Variants in ACER3 observed in about 807,000 individuals in gnomAD.
The protein encoded by ACER3 is alkaline ceramidase 3.
In ACER3, 16 loss-of-function variants were observed where a neutral mutation model predicts 48.9. The ratio of observed to expected loss-of-function variants is 0.33; its 90% confidence interval spans 0.22 to 0.50. The LOEUF (loss-of-function observed/expected upper bound fraction) is 0.50. ACER3 is among the 20% of genes least tolerant of loss of function. The pLI, the probability that ACER3 is intolerant of heterozygous loss-of-function variation, is 0.98. For missense variants in ACER3, 227 were observed against 326.0 expected (o/e 0.70, Z 2.34); for synonymous variants, 109 against 107.8 (o/e 1.01, Z -0.07).
At chr11:76,863,778 A>G (rs1945001977) in intron 1 of ACER3, among the ~76,000 whole-genome samples, 1 of 152,190 alleles carries the variant, frequency 6.6e-6, no homozygotes, top group South Asian at 2.1e-4. Context: ...TTTCAAAAAG[A>G]AGGTATTATT....
In ACER3 at chr11:77,021,319, A is replaced by C. The variant is rs1271998317; in HGVS notation, c.*992A>C. The C allele has an allele frequency of 6.6e-6, 1 of 152,212 alleles. No homozygotes were observed. Among genetic ancestry groups the C allele is most frequent in the Non-Finnish European group, 1.5e-5 (1 of 68,036 alleles). 9.4% of individuals were successfully genotyped at this position (152,212 alleles called of 1,614,324 possible). A position where few individuals can be genotyped will look rare whatever the true frequency, so the allele number is the denominator to read the frequency against. On this transcript the variant is annotated 3_prime_UTR_variant, in exon 11 of 11. Coordinates refer to ENST00000532485, the MANE Select transcript of ACER3 (RefSeq NM_018367.7). The stretch of plus-strand genomic sequence containing the variant: ...CTAAAATTATCAGAATCCTATTTAC[A>C]TAAAGCATATTAAAATATCTGCTCC...
At chr11:76,969,124 G>A (rs1490785663) in intron 3 of ACER3, among the ~76,000 whole-genome samples, 1 of 151,844 alleles carries the variant, frequency 6.6e-6, no homozygotes, top group African/African-American at 2.4e-5. Context: ...CCATCAAAAA[G>A]TGGGCAAAGG....
At chr11:76,926,879 A>G (rs1334945506) in intron 2 of ACER3, among the ~76,000 whole-genome samples, 1 of 152,250 alleles carries the variant, frequency 6.6e-6, no homozygotes, top group Non-Finnish European at 1.5e-5. Context: ...AAGCATACAA[A>G]AAAGAATAGA....
Position 77,024,272 on chromosome 11 carries a change from C to CAAAAAAATAAAAAAA in ACER3, c.*3952_*3953insTAAAAAAAAAAAAAA, listed in dbSNP as rs1949517600. The CAAAAAAATAAAAAAA allele has an allele frequency of 1.9e-5, 1 of 53,902 alleles. No individual in the cohort carries two copies. The highest frequency in any genetic ancestry group is 4.7e-5 in the Non-Finnish European group (1 of 21,326). The allele number at this position is 53,902 out of a possible 1,614,324, so 3.3% of individuals were successfully genotyped here. ...TGGGCAACAGAGTGAGACCCTGTCT[C>CAAAAAAATAAAAAAA]AAAAAAAAAAAAAAAAAAAAAAAAA... On this transcript the variant is annotated 3_prime_UTR_variant, in exon 11 of 11. Transcript: ENST00000532485.
At chr11:76,911,206 G>A (rs1316537096) in intron 1 of ACER3, among the ~76,000 whole-genome samples, 3 of 152,092 alleles carry the variant, frequency 2.0e-5, no homozygotes. Flanking sequence ...TATTTTTATG[G>A]TTATTTATTA....
intron 1 of ACER3, among the ~76,000 whole-genome samples, chr11:76,869,885 A>G (rs779491809): frequency 6.6e-6 from 1 of 152,182 alleles, no homozygotes; most frequent in Non-Finnish European, 1.5e-5. Flanking sequence ...TTTTTGAGAA[A>G]GGGTCTCATT....
At chr11:76,997,072 G>T (rs956262299) in intron 6 of ACER3, among the ~76,000 whole-genome samples, 2 of 152,162 alleles carry the variant, frequency 1.3e-5, no homozygotes, top group Non-Finnish European at 2.9e-5. Context: ...GACTTGAAAG[G>T]CCAGATTTGA....
intron 8 of ACER3, among the ~76,000 whole-genome samples, chr11:77,015,776 T>G (rs781808644): frequency 3.3e-5 from 5 of 152,026 alleles, no homozygotes; most frequent in Non-Finnish European, 7.4e-5. Context: ...CTGTGAGAAA[T>G]CTACAGAATG....
In ACER3 at chr11:76,919,624, C is replaced by T. The variant is rs530139114; in HGVS notation, c.104-6933C>T. 9.6e-4 allele frequency among the ~76,000 whole-genome samples: 146 copies of T among 152,204 alleles called. 1 individual carries two copies. Among genetic ancestry groups the T allele is most frequent in the Non-Finnish European group, 1.9e-3 (126 of 68,002 alleles). On this transcript the variant is annotated intron_variant, in intron 1 of 10. Transcript: ENST00000532485. ...TTGTGTGGTGTATGAATGAATATCT[C>T]GCTTTTATTTCCAGAACAGAAATTT...
At chr11:76,988,631 CAT>C (rs1429435288) in intron 5 of ACER3, among the ~76,000 whole-genome samples, 3 of 152,168 alleles carry the variant, frequency 2.0e-5, no homozygotes, top group Non-Finnish European at 4.4e-5. Flanking sequence ...TTCCCCAACA[CAT>C]AGGGATTACG....
At chr11:77,005,711 G>A (rs1256387666) in intron 7 of ACER3, among the ~76,000 whole-genome samples, 8 of 151,708 alleles carry the variant, frequency 5.3e-5, no homozygotes, top group African/African-American at 1.5e-4. Context: ...ATGTCTCTGT[G>A]TCTTCACATA....
rs1208166522 is a variant in ACER3 at position 77,024,896 on chromosome 11, C to T, written c.*4569C>T. 6.6e-6 allele frequency: 1 copy of T among 152,158 alleles called. No individual in the cohort carries two copies. The highest frequency in any genetic ancestry group is 1.5e-5 in the Non-Finnish European group (1 of 68,046). The allele number at this position is 152,158 out of a possible 1,614,324, so 9.4% of individuals were successfully genotyped here. A position where few individuals can be genotyped will look rare whatever the true frequency, so the allele number is the denominator to read the frequency against. On this transcript the variant is annotated 3_prime_UTR_variant, in exon 11 of 11. Transcript: ENST00000532485. ...AAATGCAAATCAAGAAATTCAGTTACAGGCTGCAAGTGACCTAAAATTCCC... is the reference window on the plus strand; with the variant it reads ...AAATGCAAATCAAGAAATTCAGTTATAGGCTGCAAGTGACCTAAAATTCCC...
rs78114482 is a variant in ACER3, at chr11:76,898,057, T to C, written c.104-28500T>C. On this transcript the variant is annotated intron_variant, in intron 1 of 10. Transcript: ENST00000532485. Reference sequence around the variant, plus strand: ...TGAAGCTGACTTTTTTTTTTAACTATGAATATATGGTGGTGGAGAAGAATA... The same window carrying C: ...TGAAGCTGACTTTTTTTTTTAACTACGAATATATGGTGGTGGAGAAGAATA... Among the ~76,000 whole-genome samples, 490 of 152,284 alleles carry C rather than the reference T, an allele frequency of 3.2e-3. 17 individuals are homozygous for C. In the East Asian group the frequency reaches 0.082, roughly 26 times the overall value.
intron 1 of ACER3, among the ~76,000 whole-genome samples, chr11:76,882,124 C>T (rs1945543051): frequency 6.6e-6 from 1 of 151,538 alleles, no homozygotes; most frequent in South Asian, 2.1e-4. Flanking sequence ...CCTGCCTCAG[C>T]CTCCCGAGTA....
At chr11:76,939,397 C>T (rs1590962269) in intron 2 of ACER3, among the ~76,000 whole-genome samples, 1 of 152,158 alleles carries the variant, frequency 6.6e-6, no homozygotes, top group Non-Finnish European at 1.5e-5. Flanking sequence ...GTACATTCAG[C>T]CTGGGCAACA....
At chr11:76,868,391 CTGTGTGTGTGTG>C (rs1166994217) in intron 1 of ACER3, 66 of 175,076 alleles carry the variant, frequency 3.8e-4, no homozygotes, top group Middle Eastern at 2.1e-3. Flanking sequence ...CTCTCTCTCT[CTGTGTGTGTGTG>C]TGTGTGTGTG....
intron 1 of ACER3, among the ~76,000 whole-genome samples, chr11:76,863,028 C>G (rs977796996): frequency 2.6e-5 from 4 of 152,044 alleles, no homozygotes; most frequent in African/African-American, 9.7e-5. Flanking sequence ...GAGTTTGAGT[C>G]CAGCCTGGGC....
At chr11:76,869,090 G>A (rs1376375823) in intron 1 of ACER3, among the ~76,000 whole-genome samples, 2 of 152,208 alleles carry the variant, frequency 1.3e-5, no homozygotes, top group Non-Finnish European at 2.9e-5. Flanking sequence ...CCGGACTTGG[G>A]ACAGATGTCT....
At chr11:77,005,139 G>A (rs1156706604) in intron 7 of ACER3, among the ~76,000 whole-genome samples, 6 of 150,396 alleles carry the variant, frequency 4.0e-5, no homozygotes, top group Non-Finnish European at 8.8e-5. Context: ...CCGGGTTCAC[G>A]CCATTCTCCT....
Sources: gnomAD v4.1 joint callset for allele counts (sites outside exome capture counted in the v4.1 genomes callset) on GRCh38, gnomAD v4.1.1 for gene constraint, MANE v1.5 for transcripts, NCBI Gene and HGNC (gene_info 2026-07-23, HGNC 2026-07-21) for gene names.